Variants in SLIT1 observed in about 807,000 individuals in gnomAD.
SLIT1 encodes slit homolog 1 protein.
Under a neutral mutation model 186.1 loss-of-function variants are expected in SLIT1, and 66 were observed. The observed-to-expected ratio is 0.35, with a 90% CI of 0.29 to 0.44. The LOEUF is 0.44. Ranked by LOEUF, SLIT1 falls within the 20% of genes least tolerant of loss-of-function variation. SLIT1 has a pLI of 1.00. For missense variants in SLIT1, 1,638 were observed against 2,037.4 expected, an observed-to-expected ratio of 0.80 and a Z score of 3.77; for synonymous variants, 761 against 833.8, an observed-to-expected ratio of 0.91 and a Z score of 1.50.
chr10:97,040,032 G>A lies in SLIT1; in HGVS notation c.2253C>T (p.His751=), dbSNP rs1219530925. Residue 751 remains histidine, a synonymous_variant, in exon 21 of 37, where the codon CAC becomes CAT. Coordinates refer to ENST00000266058, the MANE Select transcript of SLIT1 (RefSeq NM_003061.3). ...LDTVVRCSNK[H]LRALPKGIPK... The stretch of plus-strand genomic sequence containing the variant: ...GAATGCCCTTGGGCAGGGCCCGCAG[G>A]TGCTTGTTGCTGCATCGGACCACGG... 1 of 1,613,600 alleles carries A rather than the reference G, an allele frequency of 6.2e-7. No homozygotes were observed. Among genetic ancestry groups the A allele is most frequent in the Non-Finnish European group, 8.5e-7 (1 of 1,179,802 alleles).
intron 4 of SLIT1, among the ~76,000 whole-genome samples, chr10:97,124,249 C>T (rs981753706): frequency 4.6e-5 from 7 of 152,184 alleles, no homozygotes; most frequent in Admixed American, 1.3e-4. Flanking sequence ...TTAAATGACA[C>T]ATGCTCAAAA....
At chr10:97,126,776 T>C (rs1341387458) in intron 4 of SLIT1, among the ~76,000 whole-genome samples, 1 of 152,164 alleles carries the variant, frequency 6.6e-6, no homozygotes, top group African/African-American at 2.4e-5. Flanking sequence ...CTGTTAGATC[T>C]GGAAGAACTT....
intron 31 of SLIT1, among the ~76,000 whole-genome samples, chr10:97,009,579 G>T (rs1848394128): frequency 6.6e-6 from 1 of 152,080 alleles, no homozygotes; most frequent in Admixed American, 6.6e-5. Context: ...TTAGGCAATG[G>T]TTTCTTAGGA....
chr10:97,157,601 CGG>C lies in SLIT1; in HGVS notation c.413+215_413+216del. ...GCAGCTCACAAATCTGGATGAACTG[CGG>C]GTTCTTCCAAGTGCTTGCCATGGAG... On this transcript the variant is annotated intron_variant, in intron 4 of 36. Transcript: ENST00000266058. 8.9e-6 allele frequency: 5 copies of C among 563,874 alleles called. No homozygotes were observed. In the South Asian group the frequency reaches 1.3e-4, roughly 14 times the overall value. 34.9% of individuals were successfully genotyped at this position (563,874 alleles called of 1,614,324 possible). A position where few individuals can be genotyped will look rare whatever the true frequency, so the allele number is the denominator to read the frequency against.
chr10:97,075,312 A>C (rs1231086192), intron 4 of SLIT1, among the ~76,000 whole-genome samples: 1 of 152,230 alleles, frequency 6.6e-6, no homozygotes, highest in Non-Finnish European at 1.5e-5. Flanking sequence ...AATAATTATC[A>C]TATGGCTTAA....
At chr10:97,148,360 C>T (rs1273786054) in intron 4 of SLIT1, among the ~76,000 whole-genome samples, 1 of 151,322 alleles carries the variant, frequency 6.6e-6, no homozygotes, top group African/African-American at 2.4e-5. Context: ...ACAGTCATAA[C>T]TCATTATAAC....
chr10:97,124,755 C>T (rs1849589894), intron 4 of SLIT1, among the ~76,000 whole-genome samples: 1 of 152,184 alleles, frequency 6.6e-6, no homozygotes, highest in South Asian at 2.1e-4. Context: ...GACAGAGAAG[C>T]AGCATGGACA....
intron 8 of SLIT1, among the ~76,000 whole-genome samples, chr10:97,062,467 C>G (rs1457592139): frequency 6.6e-6 from 1 of 152,248 alleles, no homozygotes; most frequent in Non-Finnish European, 1.5e-5. Flanking sequence ...AGAACTGTCC[C>G]TTCATTCAGC....
chr10:97,173,933 G>C (rs1850223916), intron 1 of SLIT1, among the ~76,000 whole-genome samples: 1 of 152,178 alleles, frequency 6.6e-6, no homozygotes, highest in South Asian at 2.1e-4. Flanking sequence ...CCCTTTAATA[G>C]GAAAATACCA....
At chr10:97,174,535 G>A (rs2134740617) in intron 1 of SLIT1, among the ~76,000 whole-genome samples, 1 of 152,342 alleles carries the variant, frequency 6.6e-6, no homozygotes, top group South Asian at 2.1e-4. Flanking sequence ...GACCAGTGGG[G>A]AAGCCCCAAG....
chr10:97,058,341 G>A (rs1848860569), intron 11 of SLIT1, among the ~76,000 whole-genome samples: 1 of 152,188 alleles, frequency 6.6e-6, no homozygotes, highest in South Asian at 2.1e-4. Flanking sequence ...GGAGGTGGCT[G>A]TGACCAGGTA....
rs1306748374 is a variant in SLIT1 at position 97,184,268 on chromosome 10, A to G, written c.197+1210T>C. 6.6e-6 allele frequency among the ~76,000 whole-genome samples: 1 copy of G among 152,116 alleles called. No homozygotes were observed. The highest frequency in any genetic ancestry group is 1.5e-5 in the Non-Finnish European group (1 of 68,034). Reference sequence around the variant, plus strand: ...GAAAATGTGCTCGAAAGTTATCAAAATATGCACACCTTTCCTGAGAGCCAC... The same window carrying G: ...GAAAATGTGCTCGAAAGTTATCAAAGTATGCACACCTTTCCTGAGAGCCAC... On this transcript the variant is annotated intron_variant, in intron 1 of 36. Coordinates refer to ENST00000266058, the MANE Select transcript of SLIT1 (RefSeq NM_003061.3). The surrounding 1 kb of genome is among the most constrained non-coding windows in gnomAD (Gnocchi z 4.4).
intron 4 of SLIT1, among the ~76,000 whole-genome samples, chr10:97,078,866 C>A (rs576248262): frequency 6.6e-6 from 1 of 152,294 alleles, no homozygotes; most frequent in Non-Finnish European, 1.5e-5. Context: ...TAGTCCTGGG[C>A]GGGAATGCAC....
At chr10:97,163,348 G>C (rs761737203) in intron 3 of SLIT1, 32 bp downstream of exon 3, 1 of 1,592,992 alleles carries the variant, frequency 6.3e-7, no homozygotes. Context: ...CCAGCCCCCC[G>C]CCCTCCTGGC....
chr10:97,122,862 G>A (rs1385873351), intron 4 of SLIT1, among the ~76,000 whole-genome samples: 1 of 151,864 alleles, frequency 6.6e-6, no homozygotes, highest in Non-Finnish European at 1.5e-5. Context: ...CTCCAAGTTT[G>A]TGCCTCACCT....
intron 4 of SLIT1, among the ~76,000 whole-genome samples, chr10:97,124,340 AG>A (rs1015739793): frequency 5.3e-5 from 8 of 152,182 alleles, no homozygotes; most frequent in African/African-American, 1.7e-4. Flanking sequence ...AGCCCAGAGA[AG>A]GTTGGGCCCC....
At chr10:97,166,387 G>T (rs1260142470) in intron 1 of SLIT1, among the ~76,000 whole-genome samples, 1 of 151,380 alleles carries the variant, frequency 6.6e-6, no homozygotes, top group East Asian at 1.9e-4. Flanking sequence ...ATGGTGGCAG[G>T]CACCTGTAAT....
chr10:97,056,768 GGCTC>G (rs1848840875), intron 12 of SLIT1, among the ~76,000 whole-genome samples: 1 of 152,186 alleles, frequency 6.6e-6, no homozygotes, highest in South Asian at 2.1e-4. Context: ...TTTTGGGGGG[GGCTC>G]CTCCTCCTTC....
At chr10:97,017,467 G>T (rs1273528075) in intron 28 of SLIT1, among the ~76,000 whole-genome samples, 1 of 152,230 alleles carries the variant, frequency 6.6e-6, no homozygotes, top group African/African-American at 2.4e-5. Flanking sequence ...GGGCTCATTG[G>T]GCGGTCCTGT....
Sources: gnomAD v4.1 joint callset for allele counts (sites outside exome capture counted in the v4.1 genomes callset) on GRCh38, gnomAD v4.1.1 for gene constraint, Gnocchi (gnomAD v3.1) non-coding constraint, MANE v1.5 for transcripts, NCBI Gene and HGNC (gene_info 2026-07-23, HGNC 2026-07-21) for gene names.